The following TOP1 variants were observed in gnomAD, a reference collection of about 807,000 sequenced individuals.
TOP1 encodes DNA topoisomerase I.
Under a neutral mutation model 111.1 loss-of-function variants are expected in TOP1, and 10 were observed. That is an observed-to-expected ratio of 0.09 (90% CI 0.06 to 0.15). TOP1 has a LOEUF of 0.15. Among genes scored for constraint, TOP1 ranks in the 10% least tolerant of loss-of-function variants. The probability of loss-of-function intolerance (pLI) is 1.00; values close to 1 mark genes in which losing one functional copy is unlikely to be tolerated. For missense variants in TOP1, 474 were observed against 926.7 expected (o/e 0.51, Z 6.34); for synonymous variants, 271 against 302.9 (o/e 0.89, Z 1.10).
At chr20:41,031,475 T>A (rs974483602) in intron 2 of TOP1, among the ~76,000 whole-genome samples, 8 of 152,230 alleles carry the variant, frequency 5.3e-5, no homozygotes, top group African/African-American at 1.9e-4. Context: ...GTTATTGATC[T>A]TTACTGACAT....
rs1281155099 is a variant in TOP1, at chr20:41,078,698, A to G, written c.335+1061A>G. ...TGCCTTGGATTTTTATTAAACTGAT[A>G]TGAATAAATTTTTTGGACTTGGTGC... On this transcript the variant is annotated intron_variant, in intron 5 of 20. Transcript: ENST00000361337. This position sits in a 1 kb window ranked among gnomAD's most constrained non-coding sequence, Gnocchi z 5.3. Among the ~76,000 whole-genome samples the G allele has an allele frequency of 2.0e-5, 3 of 152,196 alleles. No homozygotes were observed. Among genetic ancestry groups the G allele is most frequent in the Admixed American group, 2.0e-4 (3 of 15,282 alleles).
rs1290406271 is a variant in TOP1, at chr20:41,095,116, A to G, written c.731-2104A>G. Among the ~76,000 whole-genome samples the G allele has an allele frequency of 2.0e-5, 3 of 152,192 alleles. No homozygotes were observed. The highest frequency in any genetic ancestry group is 4.4e-5 in the Non-Finnish European group (3 of 68,038). ...ACCCAGGCTGGAGTGCAGTGGCACA[A>G]TCTTGGCTCACTGCAGCCTCCACCT... On this transcript the variant is annotated intron_variant, in intron 9 of 20. Coordinates refer to ENST00000361337, the MANE Select transcript of TOP1 (RefSeq NM_003286.4). This position sits in a 1 kb window ranked among gnomAD's most constrained non-coding sequence, Gnocchi z 4.6.
chr20:41,093,013 G>A (rs1366001816), intron 9 of TOP1, among the ~76,000 whole-genome samples: 2 of 152,194 alleles, frequency 1.3e-5, no homozygotes, highest in Admixed American at 6.5e-5. Context: ...GTATATGGTC[G>A]AGGATTAATA....
At chr20:41,084,421 C>T in intron 7 of TOP1, 41 bp from the exon 8 acceptor site, 1 of 1,282,326 alleles carries the variant, frequency 7.8e-7, no homozygotes, top group Non-Finnish European at 1.1e-6. Flanking sequence ...GAAGTGTGAT[C>T]AGTCTTTATT....
chr20:41,091,222 T>A (rs1600583694), intron 8 of TOP1, among the ~76,000 whole-genome samples: 1 of 152,222 alleles, frequency 6.6e-6, no homozygotes, highest in African/African-American at 2.4e-5. Flanking sequence ...AATAAAATAT[T>A]GTACTTGGAA....
chr20:41,082,253 T>C lies in TOP1; in HGVS notation c.507+1013T>C, dbSNP rs1203882332. Among the ~76,000 whole-genome samples the C allele has an allele frequency of 2.0e-5, 3 of 152,210 alleles. No homozygotes were observed. The highest frequency in any genetic ancestry group is 2.1e-4 in the South Asian group (1 of 4,832). On this transcript the variant is annotated intron_variant, in intron 7 of 20. Coordinates refer to ENST00000361337, the MANE Select transcript of TOP1 (RefSeq NM_003286.4). This position sits in a 1 kb window ranked among gnomAD's most constrained non-coding sequence, Gnocchi z 4.1. The stretch of plus-strand genomic sequence containing the variant: ...CAGGGAGTCTTAAGAGGATAATCTA[T>C]CATAATAGAATGATGTTAATAATCA...
At chr20:41,048,267 A>G (rs2033358813) in intron 2 of TOP1, among the ~76,000 whole-genome samples, 2 of 152,138 alleles carry the variant, frequency 1.3e-5, no homozygotes, top group African/African-American at 2.4e-5. Flanking sequence ...ATAAGAAATA[A>G]TAATGCAGGG....
At chr20:41,091,704 G>A (rs1029460085) in intron 8 of TOP1, among the ~76,000 whole-genome samples, 3 of 151,534 alleles carry the variant, frequency 2.0e-5, no homozygotes, top group African/African-American at 4.9e-5. Flanking sequence ...CTACAGGTGC[G>A]CGCCACCATG....
intron 2 of TOP1, among the ~76,000 whole-genome samples, chr20:41,060,053 A>G (rs6124309): frequency 0.18 from 27,241 of 152,226 alleles, 3,459 homozygotes; most frequent in East Asian, 0.7. Flanking sequence ...ATTTGTAGCA[A>G]TTGGAATGCT....
In TOP1 at chr20:41,058,989, TAAG is replaced by T. The variant is rs1236074881; in HGVS notation, c.59-2399_59-2397del. On this transcript the variant is annotated intron_variant, in intron 2 of 20. Transcript: ENST00000361337. This position sits in a 1 kb window ranked among gnomAD's most constrained non-coding sequence, Gnocchi z 4.2. ...TACACCACGGAATACTGTGCAGCCA[TAAG>T]AAGAACGAGATTGTGTCCTTTGCAG... is the stretch of plus-strand genomic sequence containing the variant. Among the ~76,000 whole-genome samples the T allele has an allele frequency of 6.6e-6, 1 of 152,004 alleles. No homozygotes were observed. Among genetic ancestry groups the T allele is most frequent in the Non-Finnish European group, 1.5e-5 (1 of 68,006 alleles).
intron 3 of TOP1, among the ~76,000 whole-genome samples, chr20:41,066,528 T>A (rs2049103231): frequency 6.6e-6 from 1 of 151,892 alleles, no homozygotes; most frequent in Admixed American, 6.6e-5. Flanking sequence ...AATAATTTGT[T>A]GTATGTACTT....
rs117405140 is a variant in TOP1, at chr20:41,063,288, G to A, written c.155+1798G>A. Among the ~76,000 whole-genome samples the A allele has an allele frequency of 8.5e-5, 13 of 152,260 alleles. No homozygotes were observed. The East Asian group carries it at 1.3e-3, about 16-fold the overall frequency. ...ATGATTCAGTTCTTTTTTTATGACC[G>A]TATAGTATTCCGTGGTAGATATGTA... On this transcript the variant is annotated intron_variant, in intron 3 of 20. Coordinates refer to ENST00000361337, the MANE Select transcript of TOP1 (RefSeq NM_003286.4).
rs186469590 is a variant in TOP1, at chr20:41,063,978, T to C, written c.155+2488T>C. ...CTTTTGGCATCTTTGCTATGAAATC[T>C]TTGCTCGTTCCTATGTCCAGAATGG... On this transcript the variant is annotated intron_variant, in intron 3 of 20. Coordinates refer to ENST00000361337, the MANE Select transcript of TOP1 (RefSeq NM_003286.4). Among the ~76,000 whole-genome samples, 38 of 152,314 alleles carry C rather than the reference T, an allele frequency of 2.5e-4. No individual in the cohort carries two copies. The East Asian group carries it at 4.6e-3, about 19-fold the overall frequency.
chr20:41,120,482 CCT>C (rs2034405414), intron 18 of TOP1, among the ~76,000 whole-genome samples: 1 of 152,184 alleles, frequency 6.6e-6, no homozygotes, highest in Non-Finnish European at 1.5e-5. Flanking sequence ...GTTCTCCTGC[CCT>C]CTGAGTAGCG....
chr20:41,073,348 C>T, intron 3 of TOP1: 3 of 940,018 alleles, frequency 3.2e-6, no homozygotes, highest in Non-Finnish European at 3.8e-6. Flanking sequence ...CTGAATTAGC[C>T]ATTTATAGTT....
In TOP1 at chr20:41,122,162, G is replaced by A. The variant is rs775911784; in HGVS notation, c.2195+7G>A. ...CTAGGATCACAGTGGCTTGGTAAGTGTTGAGCCCTCCTTGAGCTCCTGCTG... is the reference window on the plus strand; with the variant it reads ...CTAGGATCACAGTGGCTTGGTAAGTATTGAGCCCTCCTTGAGCTCCTGCTG... On this transcript the variant is annotated splice_region_variant and intron_variant, in intron 20 of 20. Coordinates refer to ENST00000361337, the MANE Select transcript of TOP1 (RefSeq NM_003286.4). This position sits in a 1 kb window ranked among gnomAD's most constrained non-coding sequence, Gnocchi z 5.4. 1 of 1,613,666 alleles carries A rather than the reference G, an allele frequency of 6.2e-7. No homozygotes were observed. The highest frequency in any genetic ancestry group is 1.3e-5 in the African/African-American group (1 of 74,926).
Position 41,029,324 on chromosome 20 carries a change from C to G in TOP1, c.34-107C>G. ...GCCCTCTGTGGCCACCCCCGGGTCC[C>G]CGTCCTCCCCGGGGGCGCAGGGTGA... On this transcript the variant is annotated intron_variant, in intron 1 of 20. Coordinates refer to ENST00000361337, the MANE Select transcript of TOP1 (RefSeq NM_003286.4). The surrounding 1 kb of genome is among the most constrained non-coding windows in gnomAD (Gnocchi z 6.1). 9.4e-7 allele frequency: 1 copy of G among 1,067,444 alleles called. No homozygotes were observed. Among genetic ancestry groups the G allele is most frequent in the Non-Finnish European group, 1.3e-6 (1 of 772,592 alleles). 66.1% of individuals were successfully genotyped at this position (1,067,444 alleles called of 1,614,324 possible). A position where few individuals can be genotyped will look rare whatever the true frequency, so the allele number is the denominator to read the frequency against.
At chr20:41,068,459 G>A (rs115461767) in intron 3 of TOP1, among the ~76,000 whole-genome samples, 551 of 152,092 alleles carry the variant, frequency 3.6e-3, no homozygotes, top group African/African-American at 0.012. Flanking sequence ...AAGCTTGGGC[G>A]CGGTGGTGTG....
rs1382098764 is a variant in TOP1, at chr20:41,058,287, C to A, written c.59-3107C>A. 6.6e-6 allele frequency among the ~76,000 whole-genome samples: 1 copy of A among 152,196 alleles called. No individual in the cohort carries two copies. Among genetic ancestry groups the A allele is most frequent in the African/African-American group, 2.4e-5 (1 of 41,434 alleles). On this transcript the variant is annotated intron_variant, in intron 2 of 20. Transcript: ENST00000361337. This position sits in a 1 kb window ranked among gnomAD's most constrained non-coding sequence, Gnocchi z 4.2. ...TTGATTGCTATAAAACATGTTGCCT[C>A]AAAATATAATAGCTTAAAACAACAG...
Sources: gnomAD v4.1 joint callset for allele counts (sites outside exome capture counted in the v4.1 genomes callset) on GRCh38, gnomAD v4.1.1 for gene constraint, Gnocchi (gnomAD v3.1) non-coding constraint, MANE v1.5 for transcripts, NCBI Gene and HGNC (gene_info 2026-07-23, HGNC 2026-07-21) for gene names.